The following ADAMTS18 variants were observed in gnomAD, a reference collection of about 807,000 sequenced individuals.
ADAMTS18 encodes A disintegrin and metalloproteinase with thrombospondin motifs 18.
In ADAMTS18, 157 loss-of-function variants were observed where a neutral mutation model predicts 165.9. The ratio of observed to expected loss-of-function variants is 0.95; its 90% confidence interval spans 0.83 to 1.08. The LOEUF is 1.08. Ranked by LOEUF, ADAMTS18 falls within the 50% of genes least tolerant of loss-of-function variation. The probability of loss-of-function intolerance (pLI) is 0.00; values close to 1 mark genes in which losing one functional copy is unlikely to be tolerated. For synonymous variants in ADAMTS18, 782 were observed against 578.2 expected, an observed-to-expected ratio of 1.35 and a Z score of -5.06; for missense variants, 2,040 against 1,534.0, an observed-to-expected ratio of 1.33 and a Z score of -5.51.
intron 16 of ADAMTS18, among the ~76,000 whole-genome samples, chr16:77,316,962 C>G (rs1354078571): frequency 6.6e-6 from 1 of 152,172 alleles, no homozygotes; most frequent in Non-Finnish European, 1.5e-5. Flanking sequence ...CCACCATACC[C>G]AGCCCACATG....
At chr16:77,370,047 C>T (rs752458782) in intron 3 of ADAMTS18, among the ~76,000 whole-genome samples, 2 of 152,058 alleles carry the variant, frequency 1.3e-5, no homozygotes, top group Admixed American at 6.6e-5. Flanking sequence ...ATGATAAAAA[C>T]TCTCAACAAA....
Position 77,339,393 on chromosome 16 carries a change from G to T in ADAMTS18, c.1710+2311C>A, listed in dbSNP as rs886414001. On this transcript the variant is annotated intron_variant, in intron 11 of 22. Coordinates refer to ENST00000282849, the MANE Select transcript of ADAMTS18 (RefSeq NM_199355.4). ...GTGTGGCAGTTGTATCAAGACATTT[G>T]TTTTCCCACTTCTGACTTTATTTAT... is the stretch of plus-strand genomic sequence containing the variant. Among the ~76,000 whole-genome samples the T allele has an allele frequency of 5.3e-5, 8 of 151,918 alleles. No individual in the cohort carries two copies. The East Asian group carries it at 1.3e-3, about 26-fold the overall frequency.
At position 77,400,574 on chromosome 16, in the gene ADAMTS18, C is replaced by T. The variant is rs537927514; in HGVS notation, c.495+30721G>A. ...TCAGCTCACTGCAAGCTCCGCCTCC[C>T]GGGTTCACGCCATTCTCCTGCCTCA... On this transcript the variant is annotated intron_variant, in intron 3 of 22. Transcript: ENST00000282849. Among the ~76,000 whole-genome samples, 130 of 151,664 alleles carry T rather than the reference C, an allele frequency of 8.6e-4. 1 individual carries two copies. Among genetic ancestry groups the T allele is most frequent in the East Asian group, 3.9e-3 (20 of 5,116 alleles).
intron 3 of ADAMTS18, among the ~76,000 whole-genome samples, chr16:77,398,173 C>T (rs894479413): frequency 3.9e-5 from 6 of 152,010 alleles, no homozygotes; most frequent in Non-Finnish European, 7.4e-5. Flanking sequence ...AAAAATTAGC[C>T]GGATGTGGTG....
intron 10 of ADAMTS18, among the ~76,000 whole-genome samples, chr16:77,342,049 T>C (rs1162977837): frequency 6.6e-6 from 1 of 152,192 alleles, no homozygotes; most frequent in African/African-American, 2.4e-5. Flanking sequence ...ACAGTTAATT[T>C]AGAGAACACT....
intron 11 of ADAMTS18, among the ~76,000 whole-genome samples, chr16:77,338,389 G>C (rs531738772): frequency 6.6e-6 from 1 of 151,796 alleles, no homozygotes; most frequent in Non-Finnish European, 1.5e-5. Context: ...GCGTGCACCA[G>C]CATGCTCAGG....
At chr16:77,325,788 C>A (rs2056083935) in intron 13 of ADAMTS18, 78 bp downstream of exon 13, 1 of 1,420,436 alleles carries the variant, frequency 7.0e-7, no homozygotes. Flanking sequence ...TTGATACAAG[C>A]AGCAATTTCT....
intron 3 of ADAMTS18, among the ~76,000 whole-genome samples, chr16:77,410,962 CT>C (rs1288822820): frequency 2.6e-5 from 4 of 152,190 alleles, no homozygotes; most frequent in Admixed American, 2.6e-4. Context: ...TGTTTATTCA[CT>C]AGTTTTGGAA....
rs769352130 is a variant in ADAMTS18 at position 77,282,621 on chromosome 16, T to C, written c.*1335A>G. 1.3e-5 allele frequency: 2 copies of C among 152,612 alleles called. No individual in the cohort carries two copies. The highest frequency in any genetic ancestry group is 2.9e-5 in the Non-Finnish European group (2 of 68,030). The allele number at this position is 152,612 out of a possible 1,614,324, so 9.5% of individuals were successfully genotyped here. A position where few individuals can be genotyped will look rare whatever the true frequency, so the allele number is the denominator to read the frequency against. ...AATTGGGTTACATTCATCAAAGAAG[T>C]TGAGGAATAAAGTAGAATTTATGTA... On this transcript the variant is annotated 3_prime_UTR_variant, in exon 23 of 23. Transcript: ENST00000282849.
In ADAMTS18 at chr16:77,341,718, A is replaced by T; in HGVS notation, c.1696T>A (p.Cys566Ser). Reference protein sequence around the residue: ...KFMPAAEGTVCGLSMWCRQGQ... With the variant: ...KFMPAAEGTVSGLSMWCRQGQ... ...ATGCAGTTTACCATACTCAAGCCAC[A>T]AACGGTCCCTTCTGCTGCGGGCATA... The change falls in exon 11 of 23, where the codon TGT becomes AGT. Residue 566 changes from cysteine to serine, a missense_variant. Coordinates refer to ENST00000282849, the MANE Select transcript of ADAMTS18 (RefSeq NM_199355.4). 6.2e-7 allele frequency: 1 copy of T among 1,613,662 alleles called. No homozygotes were observed. The highest frequency in any genetic ancestry group is 1.7e-4 in the Middle Eastern group (1 of 6,058).
intron 16 of ADAMTS18, among the ~76,000 whole-genome samples, chr16:77,317,808 G>A (rs2055914462): frequency 6.6e-6 from 1 of 152,166 alleles, no homozygotes; most frequent in South Asian, 2.1e-4. Flanking sequence ...TATCATGGTA[G>A]CACGGTATTT....
rs1246806941 is a variant in ADAMTS18, at chr16:77,335,738, T to C, written c.1859+18A>G. 1 of 1,614,068 alleles carries C rather than the reference T, an allele frequency of 6.2e-7. No individual in the cohort carries two copies. Among genetic ancestry groups the C allele is most frequent in the African/African-American group, 1.3e-5 (1 of 74,932 alleles). On this transcript the variant is annotated intron_variant, in intron 12 of 22. Coordinates refer to ENST00000282849, the MANE Select transcript of ADAMTS18 (RefSeq NM_199355.4). ...AGGTTAAGGCCTTGCAAAGACTAACTTTCTGCTGGAGGCTTACTTGGGGTT... is the reference window on the plus strand; with the variant it reads ...AGGTTAAGGCCTTGCAAAGACTAACCTTCTGCTGGAGGCTTACTTGGGGTT...
chr16:77,434,783 C>T lies in ADAMTS18; in HGVS notation c.-88G>A. ...GCGCATTCTTTCCGCGGCCCCGGAG[C>T]TCGGCGCCCCAGGTGCGGCTCCAGG... On this transcript the variant is annotated 5_prime_UTR_variant, in exon 1 of 23. Coordinates refer to ENST00000282849, the MANE Select transcript of ADAMTS18 (RefSeq NM_199355.4). The T allele has an allele frequency of 1.7e-6, 2 of 1,160,088 alleles. No homozygotes were observed. Among genetic ancestry groups the T allele is most frequent in the Non-Finnish European group, 2.2e-6 (2 of 900,278 alleles). The allele number at this position is 1,160,088 out of a possible 1,614,324, so 71.9% of individuals were successfully genotyped here. A position where few individuals can be genotyped will look rare whatever the true frequency, so the allele number is the denominator to read the frequency against.
At chr16:77,360,698 G>A (rs1288909270) in intron 7 of ADAMTS18, among the ~76,000 whole-genome samples, 1 of 152,150 alleles carries the variant, frequency 6.6e-6, no homozygotes, top group Non-Finnish European at 1.5e-5. Flanking sequence ...CAAAATCATT[G>A]TGTTTTTGAA....
intron 7 of ADAMTS18, among the ~76,000 whole-genome samples, chr16:77,361,321 G>A (rs2056710027): frequency 6.6e-6 from 1 of 152,046 alleles, no homozygotes; most frequent in African/African-American, 2.4e-5. Context: ...CCTATTATGT[G>A]CAATGGAATA....
At chr16:77,290,931 A>C in intron 21 of ADAMTS18, 1 of 393,820 alleles carries the variant, frequency 2.5e-6, no homozygotes, top group Admixed American at 3.7e-5. Context: ...GCATTTCTAA[A>C]ACAGAAAGAC....
Position 77,322,348 on chromosome 16 carries a change from G to A in ADAMTS18, c.2151C>T (p.Asp717=), listed in dbSNP as rs762433658. The part of the protein sequence containing the change: ...CSPNKNDVCI[D]GVCELVGCDH... ...AACGTTCTCTTACTTCACAAACCCC[G>A]TCAATACAAACATCATTTTTGTTTG... is the stretch of plus-strand genomic sequence containing the variant. Residue 717 remains aspartate, a synonymous_variant, in exon 14 of 23, where the codon GAC becomes GAT. Coordinates refer to ENST00000282849, the MANE Select transcript of ADAMTS18 (RefSeq NM_199355.4). 37 of 1,613,472 alleles carry A rather than the reference G, an allele frequency of 2.3e-5. No individual in the cohort carries two copies. The highest frequency in any genetic ancestry group is 5.5e-5 in the South Asian group (5 of 91,072).
intron 3 of ADAMTS18, among the ~76,000 whole-genome samples, chr16:77,373,730 T>C (rs1341838652): frequency 6.6e-6 from 1 of 152,022 alleles, no homozygotes; most frequent in Non-Finnish European, 1.5e-5. Flanking sequence ...AAAAATAACA[T>C]GAAGAAAATT....
chr16:77,363,007 T>A (rs1378288588), intron 6 of ADAMTS18, among the ~76,000 whole-genome samples: 1 of 152,222 alleles, frequency 6.6e-6, no homozygotes, highest in Admixed American at 6.5e-5. Flanking sequence ...TCTCCACACC[T>A]GGGCAATTAG....
Sources: allele counts gnomAD v4.1 joint callset (sites outside exome capture counted in the v4.1 genomes callset), GRCh38; gene constraint gnomAD v4.1.1; transcripts MANE v1.5; gene names NCBI Gene and HGNC (gene_info 2026-07-23, HGNC 2026-07-21).